TAF1B: variants seen among roughly 807,000 people sequenced by gnomAD.
TAF1B encodes TATA-box binding protein associated factor, RNA polymerase I subunit B, also known as TATA box-binding protein-associated factor RNA polymerase I subunit B.
In TAF1B, 61 loss-of-function variants were observed where a neutral mutation model predicts 83.9. The observed-to-expected ratio is 0.73, with a 90% CI of 0.59 to 0.90. The LOEUF is 0.90. Ranked by LOEUF, TAF1B falls within the 40% of genes least tolerant of loss-of-function variation. The pLI is 0.00. For synonymous variants in TAF1B, 221 were observed against 224.6 expected, an observed-to-expected ratio of 0.98 and a Z score of 0.14; for missense variants, 625 against 677.0, an observed-to-expected ratio of 0.92 and a Z score of 0.85.
intron 7 of TAF1B, among the ~76,000 whole-genome samples, chr2:9,876,878 C>G (rs542184349): frequency 6.6e-6 from 1 of 152,320 alleles, no homozygotes; most frequent in Admixed American, 6.5e-5. Flanking sequence ...AGAGCAGTGT[C>G]TGGCACATAA....
chr2:9,882,296 C>T (rs944075285), intron 7 of TAF1B, among the ~76,000 whole-genome samples: 7 of 152,090 alleles, frequency 4.6e-5, no homozygotes, highest in African/African-American at 1.4e-4. Flanking sequence ...GACGGGGTTT[C>T]ACCATATTGG....
intron 9 of TAF1B, among the ~76,000 whole-genome samples, chr2:9,907,597 G>A (rs1195145249): frequency 6.6e-6 from 1 of 152,030 alleles, no homozygotes; most frequent in African/African-American, 2.4e-5. Flanking sequence ...CCCCTTTGAT[G>A]GCCATGAATG....
intron 8 of TAF1B, among the ~76,000 whole-genome samples, chr2:9,886,584 A>G (rs1186854778): frequency 2.0e-5 from 3 of 152,214 alleles, no homozygotes; most frequent in Admixed American, 2.0e-4. Flanking sequence ...AAATTTCACT[A>G]TTTAAAAGTA....
intron 5 of TAF1B, among the ~76,000 whole-genome samples, chr2:9,865,192 C>T (rs1256069525): frequency 6.6e-6 from 1 of 152,128 alleles, no homozygotes; most frequent in African/African-American, 2.4e-5. Context: ...TAGAGAACCC[C>T]ATTGTCTCAG....
chr2:9,879,038 A>T (rs1414869949), intron 7 of TAF1B, among the ~76,000 whole-genome samples: 1 of 152,218 alleles, frequency 6.6e-6, no homozygotes, highest in Admixed American at 6.5e-5. Context: ...TCAGGAGTAC[A>T]ATAGACCTCA....
chr2:9,868,185 G>T, intron 5 of TAF1B, 91 bp from the exon 6 acceptor site: 60 of 1,282,216 alleles, frequency 4.7e-5, no homozygotes, highest in East Asian at 7.9e-5. Flanking sequence ...GTTTCTTTTA[G>T]GGTGTTTGTG....
chr2:9,901,219 T>C (rs1229461435), intron 8 of TAF1B, among the ~76,000 whole-genome samples: 1 of 152,168 alleles, frequency 6.6e-6, no homozygotes, highest in African/African-American at 2.4e-5. Context: ...TAAAAAAATA[T>C]TTTGAGTGTT....
rs1288219444 is a variant in TAF1B at position 9,854,317 on chromosome 2, C to T, written c.304-9C>T. On this transcript the variant is annotated splice_polypyrimidine_tract_variant and intron_variant, in intron 4 of 14. Transcript: ENST00000263663. ...GAATCACCCACCACTCATTTCCCTT[C>T]CACCTTAGAACGATGTTTTACATAA... 1 of 1,610,938 alleles carries T rather than the reference C, an allele frequency of 6.2e-7. No individual in the cohort carries two copies. Among genetic ancestry groups the T allele is most frequent in the South Asian group, 1.1e-5 (1 of 90,896 alleles).
intron 8 of TAF1B, among the ~76,000 whole-genome samples, chr2:9,897,738 C>T (rs533162010): frequency 1.3e-5 from 2 of 152,148 alleles, no homozygotes; most frequent in Non-Finnish European, 2.9e-5. Context: ...TTGATCTGCC[C>T]AGAATCTTCA....
At chr2:9,918,940 A>G in intron 12 of TAF1B, 101 bp from the exon 13 acceptor site, 2 of 1,032,572 alleles carry the variant, frequency 1.9e-6, no homozygotes, top group Admixed American at 3.8e-5. Context: ...TCCAAGCCAG[A>G]GCTATAACGA....
intron 14 of TAF1B, among the ~76,000 whole-genome samples, chr2:9,928,477 G>A (rs1467479820): frequency 6.6e-6 from 1 of 152,148 alleles, no homozygotes; most frequent in South Asian, 2.1e-4. Context: ...GATATTGATT[G>A]TTCCTATCCA....
At chr2:9,859,069 C>T (rs1015082324) in intron 5 of TAF1B, among the ~76,000 whole-genome samples, 1 of 152,194 alleles carries the variant, frequency 6.6e-6, no homozygotes, top group African/African-American at 2.4e-5. Context: ...GGAAATATTC[C>T]AAACTTCTAT....
intron 9 of TAF1B, 71 bp from the exon 10 acceptor site, chr2:9,910,665 A>C (rs2125172543): frequency 7.4e-7 from 1 of 1,357,478 alleles, no homozygotes; most frequent in South Asian, 1.6e-5. Flanking sequence ...GATAAAGGTT[A>C]TTTTATGGAT....
chr2:9,896,131 C>T (rs898711420), intron 8 of TAF1B, among the ~76,000 whole-genome samples: 3 of 152,048 alleles, frequency 2.0e-5, no homozygotes, highest in Non-Finnish European at 2.9e-5. Flanking sequence ...ACTCGAGAAG[C>T]CCTGTATGTC....
At chr2:9,864,688 C>T (rs1208650222) in intron 5 of TAF1B, among the ~76,000 whole-genome samples, 1 of 152,096 alleles carries the variant, frequency 6.6e-6, no homozygotes. Flanking sequence ...CAAAAATCCT[C>T]AATAAAATAC....
chr2:9,877,376 A>C (rs1249834765), intron 7 of TAF1B, among the ~76,000 whole-genome samples: 1 of 152,096 alleles, frequency 6.6e-6, no homozygotes, highest in African/African-American at 2.4e-5. Flanking sequence ...AGTAAATGCC[A>C]TCCACCCTGT....
intron 14 of TAF1B, among the ~76,000 whole-genome samples, chr2:9,925,002 C>T (rs1343718520): frequency 2.0e-5 from 3 of 152,134 alleles, no homozygotes; most frequent in Non-Finnish European, 4.4e-5. Context: ...GTGGCCGTCA[C>T]CTCCCTGGGA....
chr2:9,919,446 A>G, intron 13 of TAF1B, 152 bp from the exon 14 acceptor site: 2 of 681,760 alleles, frequency 2.9e-6, no homozygotes, highest in South Asian at 1.9e-5. Context: ...ATCCAGTTTC[A>G]TTTTCCCTTA....
intron 5 of TAF1B, among the ~76,000 whole-genome samples, chr2:9,867,361 CTG>C (rs2125145584): frequency 6.6e-6 from 1 of 152,350 alleles, no homozygotes; most frequent in South Asian, 2.1e-4. Context: ...GAAGTTTTCT[CTG>C]TGTTCATGCT....
Sources: allele counts gnomAD v4.1 joint callset (sites outside exome capture counted in the v4.1 genomes callset), GRCh38; gene constraint gnomAD v4.1.1; transcripts MANE v1.5; gene names NCBI Gene and HGNC (gene_info 2026-07-23, HGNC 2026-07-21).